Variants in CMTM1 observed in about 807,000 individuals in gnomAD.
CMTM1 encodes CKLF like MARVEL transmembrane domain containing 1.
CMTM1 carries 16 observed loss-of-function variants against 17.8 expected under a neutral mutation model. The observed-to-expected ratio is 0.90, with a 90% CI of 0.61 to 1.37. CMTM1 has a LOEUF of 1.37. Ranked by LOEUF, CMTM1 falls within the 40% of genes most tolerant of loss-of-function variation. The pLI, the probability that CMTM1 is intolerant of heterozygous loss-of-function variation, is 0.00. For synonymous variants in CMTM1, 169 were observed against 154.6 expected (o/e 1.09, Z -0.69); for missense variants, 354 against 375.6 (o/e 0.94, Z 0.47).
intron 3 of CMTM1, among the ~76,000 whole-genome samples, chr16:66,577,842 G>C (rs145531125): frequency 2.6e-5 from 4 of 152,304 alleles, no homozygotes; most frequent in Middle Eastern, 3.4e-3. Flanking sequence ...TGGGAGGGGA[G>C]GTAGGGCTTT....
At position 66,579,015 on chromosome 16, in the gene CMTM1, C is replaced by T. The variant is rs749588255; in HGVS notation, c.*14C>T. On this transcript the variant is annotated 3_prime_UTR_variant, in exon 4 of 4. Coordinates refer to ENST00000379500, the MANE Select transcript of CMTM1 (RefSeq NM_052999.4). This position sits in a 1 kb window ranked among gnomAD's most constrained non-coding sequence, Gnocchi z 6.5. ...AGGCCCGCCTGAAGCCAGCCCGGCG[C>T]CCTAGCAGATGCACGTGTCTGTCGA... 6.2e-7 allele frequency: 1 copy of T among 1,610,922 alleles called. No homozygotes were observed. The highest frequency in any genetic ancestry group is 8.5e-7 in the Non-Finnish European group (1 of 1,179,092).
chr16:66,567,350 CCT>C (rs969281182), intron 1 of CMTM1: 66 of 315,026 alleles, frequency 2.1e-4, no homozygotes, highest in African/African-American at 1.4e-3. Flanking sequence ...TGTTCCCCTC[CCT>C]GTGTCCATGT....
intron 2 of CMTM1, among the ~76,000 whole-genome samples, chr16:66,570,812 G>T (rs1263176690): frequency 6.6e-6 from 1 of 152,176 alleles, no homozygotes; most frequent in Non-Finnish European, 1.5e-5. Flanking sequence ...GGAAAAGTAT[G>T]ATAATAACTA....
Position 66,566,499 on chromosome 16 carries a change from C to T in CMTM1, c.-15C>T. The T allele has an allele frequency of 1.9e-6, 3 of 1,584,052 alleles. No individual in the cohort carries two copies. The highest frequency in any genetic ancestry group is 2.6e-6 in the Non-Finnish European group (3 of 1,165,782). ...CGCGGCACTGGTTCAGACGGCCAGG[C>T]CCTAGGGACCCACCATGGATCCTGA... On this transcript the variant is annotated 5_prime_UTR_variant, in exon 1 of 4. Transcript: ENST00000379500. The surrounding 1 kb of genome is among the most constrained non-coding windows in gnomAD (Gnocchi z 4.9).
chr16:66,575,081 C>T (rs1395196703), intron 2 of CMTM1: 4 of 985,358 alleles, frequency 4.1e-6, no homozygotes, highest in Non-Finnish European at 4.8e-6. Flanking sequence ...TACCCCTGTT[C>T]CAGCATTAAC....
At chr16:66,569,405 C>T (rs774135032) in intron 1 of CMTM1, among the ~76,000 whole-genome samples, 78 of 152,264 alleles carry the variant, frequency 5.1e-4, no homozygotes, top group Admixed American at 2.6e-3. Flanking sequence ...TTGTCTATAA[C>T]TTAGAGTACT....
intron 1 of CMTM1, among the ~76,000 whole-genome samples, chr16:66,567,619 A>AATAGGAATTCCTTAT (rs2012773984): frequency 6.6e-6 from 1 of 152,388 alleles, no homozygotes. Context: ...CAATGAAGAT[A>AATAGGAATTCCTTAT]ATAGGAATTT....
At chr16:66,567,072 T>G (rs1254067913) in intron 1 of CMTM1, 127 bp downstream of exon 1, 1 of 941,954 alleles carries the variant, frequency 1.1e-6, no homozygotes, top group Admixed American at 2.0e-5. Flanking sequence ...TTGTTTTGCC[T>G]CACCTTTCCT....
intron 2 of CMTM1, chr16:66,575,074 C>T: frequency 1.0e-6 from 1 of 985,456 alleles, no homozygotes; most frequent in South Asian, 4.7e-5. Context: ...TGCTACATAC[C>T]CCTGTTCCAG....
intron 2 of CMTM1, among the ~76,000 whole-genome samples, chr16:66,575,716 T>C (rs2014147910): frequency 6.6e-6 from 1 of 152,154 alleles, no homozygotes; most frequent in African/African-American, 2.4e-5. Flanking sequence ...GAGGGTTAAA[T>C]GAGGTTAAAT....
In CMTM1 at chr16:66,566,521, C is replaced by G. The variant is rs1383318637; in HGVS notation, c.8C>G (p.Pro3Arg). ...AGGCCCTAGGGACCCACCATGGATCCTGAACACGCCAAACCTGAGTCATCC... is the reference window on the plus strand; with the variant it reads ...AGGCCCTAGGGACCCACCATGGATCGTGAACACGCCAAACCTGAGTCATCC... MD[P>R]EHAKPESSEA... Residue 3 changes from proline (P) to arginine (R), a missense_variant, in exon 1 of 4, where the codon CCT becomes CGT. Transcript: ENST00000379500. The surrounding 1 kb of genome is among the most constrained non-coding windows in gnomAD (Gnocchi z 4.9). 6 of 1,606,186 alleles carry G rather than the reference C, an allele frequency of 3.7e-6. No homozygotes were observed. The highest frequency in any genetic ancestry group is 5.1e-6 in the Non-Finnish European group (6 of 1,176,498).
intron 1 of CMTM1, among the ~76,000 whole-genome samples, chr16:66,568,186 A>G (rs1237355571): frequency 1.3e-5 from 2 of 152,246 alleles, no homozygotes; most frequent in African/African-American, 4.8e-5. Context: ...CAAAATGTCA[A>G]TCTATTAGCA....
At position 66,570,073 on chromosome 16, in the gene CMTM1, C is replaced by G; in HGVS notation, c.570C>G (p.Thr190=). 1.2e-6 allele frequency: 2 copies of G among 1,601,776 alleles called. No individual in the cohort carries two copies. Among genetic ancestry groups the G allele is most frequent in the East Asian group, 4.5e-5 (2 of 44,658 alleles). The change falls in exon 2 of 4, where the codon ACC becomes ACG. Residue 190 remains threonine, a synonymous_variant. Transcript: ENST00000379500. ...IYVLTLHHLL[T]YLHWPLLDLT... ...TGCTAACCCTTCACCACTTGCTGAC[C>G]TATTTACATTGGCCCTTACTTGTAA...
At chr16:66,577,382 T>G (rs2144681653) in intron 3 of CMTM1, among the ~76,000 whole-genome samples, 180 bp downstream of exon 3, 1 of 152,370 alleles carries the variant, frequency 6.6e-6, no homozygotes, top group South Asian at 2.1e-4. Flanking sequence ...ATGAAAATCT[T>G]AATTCTAACA....
At chr16:66,575,347 C>A in intron 2 of CMTM1, 1 of 409,882 alleles carries the variant, frequency 2.4e-6, no homozygotes, top group Non-Finnish European at 3.3e-6. Flanking sequence ...GAACCTCAGT[C>A]ATTATCCCCA....
intron 2 of CMTM1, 114 bp downstream of exon 2, chr16:66,570,208 A>G (rs1227712237): frequency 1.2e-6 from 1 of 830,070 alleles, no homozygotes; most frequent in African/African-American, 1.7e-5. Context: ...GACATAGCTG[A>G]GCTGTGACAG....
At chr16:66,578,169 C>G (rs2014485627) in intron 3 of CMTM1, among the ~76,000 whole-genome samples, 1 of 152,224 alleles carries the variant, frequency 6.6e-6, no homozygotes, top group Non-Finnish European at 1.5e-5. Context: ...TCCGCTATCA[C>G]TCCTTCTACT....
chr16:66,578,973 G>A lies in CMTM1; in HGVS notation c.833G>A (p.Gly278Asp), dbSNP rs1317304300. ...GCCAAGGACGCCTACCCCGAAACCG[G>A]CCCCGACGCCCCGCAGAGGCCCGCC... ...SPAKDAYPET[G>D]PDAPQRPA Residue 278 changes from glycine to aspartate, a missense_variant, in exon 4 of 4, where the codon GGC becomes GAC. Gly to Asp is a moderately conservative substitution (Grantham distance 94, BLOSUM62 -1). Transcript: ENST00000379500. 6.2e-7 allele frequency: 1 copy of A among 1,613,594 alleles called. No individual in the cohort carries two copies. Among genetic ancestry groups the A allele is most frequent in the Non-Finnish European group, 8.5e-7 (1 of 1,179,956 alleles).
chr16:66,567,657 TC>T (rs1413645985), intron 1 of CMTM1, among the ~76,000 whole-genome samples: 1 of 152,064 alleles, frequency 6.6e-6, no homozygotes, highest in East Asian at 1.9e-4. Context: ...AATAATAGAA[TC>T]AGTCAATACA....
Sources: allele counts gnomAD v4.1 joint callset (sites outside exome capture counted in the v4.1 genomes callset), GRCh38; gene constraint gnomAD v4.1.1; non-coding constraint Gnocchi (gnomAD v3.1); transcripts MANE v1.5; gene names NCBI Gene and HGNC (gene_info 2026-07-23, HGNC 2026-07-21).